The following SORCS2 variants were observed in gnomAD, a reference collection of about 807,000 sequenced individuals.
SORCS2 encodes VPS10 domain-containing receptor SorCS2.
In SORCS2, 100 loss-of-function variants were observed where a neutral mutation model predicts 141.6. That is an observed-to-expected ratio of 0.71 (90% confidence interval 0.60 to 0.83). The LOEUF is 0.83. SORCS2 is among the 40% of genes least tolerant of loss of function. The pLI is 0.00. For missense variants in SORCS2, 1,646 were observed against 1,560.2 expected, an observed-to-expected ratio of 1.05 and a Z score of -0.93; for synonymous variants, 789 against 676.9, an observed-to-expected ratio of 1.17 and a Z score of -2.57.
chr4:7,417,617 G>C (rs1004127472), intron 2 of SORCS2, among the ~76,000 whole-genome samples: 2 of 152,144 alleles, frequency 1.3e-5, no homozygotes, highest in African/African-American at 4.8e-5. Flanking sequence ...AAGGTGCTTT[G>C]TGAGGTCCTC....
In SORCS2 at chr4:7,194,188, T is replaced by C. The variant is rs1727033056; in HGVS notation, c.480+1062T>C. On this transcript the variant is annotated intron_variant, in intron 1 of 26. Transcript: ENST00000507866. ...GAGGGGAGATGGAAGCCTCCCCTCA[T>C]TTCTGTGCCTTGCTGTCTCCTGGGG... Among the ~76,000 whole-genome samples, 3 of 152,046 alleles carry C rather than the reference T, an allele frequency of 2.0e-5. No individual in the cohort carries two copies. The South Asian group carries it at 6.2e-4, about 32-fold the overall frequency.
At chr4:7,628,599 A>G (rs1719676753) in intron 3 of SORCS2, among the ~76,000 whole-genome samples, 1 of 151,832 alleles carries the variant, frequency 6.6e-6, no homozygotes, top group Admixed American at 6.6e-5. Context: ...TGGCCTGAGC[A>G]CCGACTACAT....
rs376518326 is a variant in SORCS2 at position 7,715,347 on chromosome 4, C to T, written c.2252+36C>T. 4.0e-5 allele frequency: 65 copies of T among 1,609,424 alleles called. No homozygotes were observed. The East Asian group carries it at 6.0e-4, about 15-fold the overall frequency. ...GTGCGGGCCTCTCCCTGCCTAAATC[C>T]GGGGGCAGAGCTGTGGTGCAGCCCC... On this transcript the variant is annotated intron_variant, in intron 17 of 26. Coordinates refer to ENST00000507866, the MANE Select transcript of SORCS2 (RefSeq NM_020777.3).
chr4:7,373,489 T>A (rs1339281419), intron 1 of SORCS2, among the ~76,000 whole-genome samples: 149 of 42,742 alleles, frequency 3.5e-3, no homozygotes, highest in South Asian at 6.2e-3. Flanking sequence ...TTTTTTTTTT[T>A]TTTTTTTTTT....
At chr4:7,686,618 C>T (rs115249440) in intron 10 of SORCS2, among the ~76,000 whole-genome samples, 118 of 152,366 alleles carry the variant, frequency 7.7e-4, no homozygotes, top group African/African-American at 2.6e-3. Context: ...AGAGGAAGCC[C>T]TGTCTCTGAC....
At chr4:7,322,643 C>T (rs1718969254) in intron 1 of SORCS2, among the ~76,000 whole-genome samples, 1 of 152,350 alleles carries the variant, frequency 6.6e-6, no homozygotes, top group East Asian at 1.9e-4. Context: ...AGCCCAACCC[C>T]CTTGTCCAGC....
chr4:7,287,919 C>T (rs140511503), intron 1 of SORCS2, among the ~76,000 whole-genome samples: 36 of 152,344 alleles, frequency 2.4e-4, no homozygotes, highest in African/African-American at 7.2e-4. Flanking sequence ...GTAAATCCTC[C>T]ACATGCAGGC....
chr4:7,679,749 CT>C (rs55936772), intron 9 of SORCS2, among the ~76,000 whole-genome samples: 31,113 of 140,834 alleles, frequency 0.22, 3,400 homozygotes, highest in East Asian at 0.39. Flanking sequence ...ACTTGTGGGA[CT>C]TTTTTTTTTT....
At chr4:7,590,131 G>T (rs763864499) in intron 3 of SORCS2, among the ~76,000 whole-genome samples, 1 of 152,286 alleles carries the variant, frequency 6.6e-6, no homozygotes, top group Non-Finnish European at 1.5e-5. Flanking sequence ...CATTCTGGCC[G>T]CACAGACACC....
rs141181696 is a variant in SORCS2 at position 7,214,637 on chromosome 4, C to A, written c.480+21511C>A. Among the ~76,000 whole-genome samples, 571 of 152,318 alleles carry A rather than the reference C, an allele frequency of 3.7e-3. 3 individuals are homozygous for A. The highest frequency in any genetic ancestry group is 0.013 in the African/African-American group (547 of 41,570). On this transcript the variant is annotated intron_variant, in intron 1 of 26. Coordinates refer to ENST00000507866, the MANE Select transcript of SORCS2 (RefSeq NM_020777.3). ...GATAGACTCACAGGATCTCAGTTCC[C>A]AGGGTGCTCATAGGTCACTGTGTTC...
At chr4:7,733,520 C>G in intron 24 of SORCS2, 99 bp downstream of exon 24, 3 of 971,624 alleles carry the variant, frequency 3.1e-6, no homozygotes, top group Non-Finnish European at 4.5e-6. Flanking sequence ...TGGCCCGTAT[C>G]CCCCTCCTGG....
intron 3 of SORCS2, among the ~76,000 whole-genome samples, chr4:7,571,874 T>G (rs960712494): frequency 3.9e-5 from 6 of 152,228 alleles, no homozygotes; most frequent in African/African-American, 1.4e-4. Flanking sequence ...CTGGGACTTG[T>G]CGACCCCCCT....
At chr4:7,237,448 C>T (rs1410890003) in intron 1 of SORCS2, among the ~76,000 whole-genome samples, 2 of 152,194 alleles carry the variant, frequency 1.3e-5, no homozygotes, top group Non-Finnish European at 2.9e-5. Context: ...GGACCCTGTT[C>T]ACATCCTTCT....
At chr4:7,600,502 A>C (rs987527568) in intron 3 of SORCS2, among the ~76,000 whole-genome samples, 8 of 152,236 alleles carry the variant, frequency 5.3e-5, no homozygotes, top group African/African-American at 1.9e-4. Flanking sequence ...AGGAGGGGCC[A>C]CACCAATCGG....
chr4:7,417,153 A>G (rs1030029186), intron 2 of SORCS2, among the ~76,000 whole-genome samples: 15 of 152,148 alleles, frequency 9.9e-5, no homozygotes, highest in African/African-American at 3.4e-4. Context: ...GCACTGAAGG[A>G]TGGAGCCATA....
chr4:7,563,869 G>A (rs941199592), intron 3 of SORCS2, among the ~76,000 whole-genome samples: 3 of 152,260 alleles, frequency 2.0e-5, no homozygotes, highest in South Asian at 2.1e-4. Flanking sequence ...TTTGACTATC[G>A]CTAAGCAATG....
chr4:7,265,837 C>T (rs994033003), intron 1 of SORCS2, among the ~76,000 whole-genome samples: 1 of 152,168 alleles, frequency 6.6e-6, no homozygotes, highest in Admixed American at 6.5e-5. Context: ...GTGCCGTCCA[C>T]TGCTGGGCCC....
At chr4:7,552,994 C>A (rs4637403) in intron 3 of SORCS2, among the ~76,000 whole-genome samples, 19,539 of 151,976 alleles carry the variant, frequency 0.13, 1,324 homozygotes, top group Non-Finnish European at 0.16. Flanking sequence ...GTGGAGTGAT[C>A]GTAAGACAAT....
In SORCS2 at chr4:7,741,605, G is replaced by GA; in HGVS notation, c.*1341_*1342insA. On this transcript the variant is annotated 3_prime_UTR_variant, in exon 27 of 27. Coordinates refer to ENST00000507866, the MANE Select transcript of SORCS2 (RefSeq NM_020777.3). ...CCCTGGCTGGTGATGTGCTGGCTGG[G>GA]GGTGAATCCCAATGAGGGTCCCTCT... The GA allele has an allele frequency of 4.9e-6, 1 of 202,600 alleles. No homozygotes were observed. Among genetic ancestry groups the GA allele is most frequent in the Non-Finnish European group, 9.8e-6 (1 of 102,356 alleles). The allele number at this position is 202,600 out of a possible 1,614,324, so 12.6% of individuals were successfully genotyped here.
Sources: gnomAD v4.1 joint callset for allele counts (sites outside exome capture counted in the v4.1 genomes callset) on GRCh38, gnomAD v4.1.1 for gene constraint, MANE v1.5 for transcripts, NCBI Gene and HGNC (gene_info 2026-07-23, HGNC 2026-07-21) for gene names.